Variants in GPN3 observed in about 807,000 individuals in gnomAD.
GPN3 encodes the protein GPN-loop GTPase 3.
A neutral mutation model predicts 38.7 loss-of-function variants in GPN3; 31 were observed. The ratio of observed to expected loss-of-function variants is 0.80; its 90% CI spans 0.60 to 1.08. GPN3 has a LOEUF of 1.08. Ranked by LOEUF, GPN3 falls within the 50% of genes least tolerant of loss-of-function variation. The probability of loss-of-function intolerance (pLI) is 0.00; values close to 1 mark genes in which losing one functional copy is unlikely to be tolerated. For synonymous variants in GPN3, 116 were observed against 120.2 expected (o/e 0.96, Z 0.23); for missense variants, 301 against 354.4 (o/e 0.85, Z 1.21).
In GPN3 at chr12:110,458,729, G is replaced by A. The variant is rs1165126996; in HGVS notation, c.325+966C>T. Among the ~76,000 whole-genome samples the A allele has an allele frequency of 5.3e-5, 8 of 151,424 alleles. No homozygotes were observed. Among genetic ancestry groups the A allele is most frequent in the Non-Finnish European group, 8.8e-5 (6 of 67,914 alleles). On this transcript the variant is annotated intron_variant, in intron 3 of 7. Coordinates refer to ENST00000228827, the MANE Select transcript of GPN3 (RefSeq NM_016301.4). The surrounding 1 kb of genome is among the most constrained non-coding windows in gnomAD (Gnocchi z 4.4). ...CAGGAAGTGGAGACTGGAGTGAGCC[G>A]AGATGGCGCCATCATACTCCAGCCT...
At chr12:110,456,460 T>C (rs2062550592) in intron 4 of GPN3, among the ~76,000 whole-genome samples, 1 of 151,962 alleles carries the variant, frequency 6.6e-6, no homozygotes, top group Admixed American at 6.6e-5. Flanking sequence ...ATCAAATGCT[T>C]GATTCTTGGT....
Position 110,466,638 on chromosome 12 carries a change from G to A in GPN3, c.49-1424C>T, listed in dbSNP as rs554718990. Reference sequence around the variant, plus strand: ...AGCCCCCCGAGTAGGTGGGACTATAGGCTCTCGCCACCATGCCCAGCTAAT... The same window carrying A: ...AGCCCCCCGAGTAGGTGGGACTATAAGCTCTCGCCACCATGCCCAGCTAAT... On this transcript the variant is annotated intron_variant, in intron 1 of 7. Coordinates refer to ENST00000228827, the MANE Select transcript of GPN3 (RefSeq NM_016301.4). Among the ~76,000 whole-genome samples, 16 of 152,110 alleles carry A rather than the reference G, an allele frequency of 1.1e-4. No homozygotes were observed. In the South Asian group the frequency reaches 3.3e-3, roughly 32 times the overall value.
Position 110,468,149 on chromosome 12 carries a change from T to A in GPN3, c.48+7A>T. ...ACTTTTCTCTCCTTGTCCCCGCAGA[T>A]CCTCACCTTCCCGCTGCCCGCGGGG... On this transcript the variant is annotated splice_region_variant and intron_variant, in intron 1 of 7. Transcript: ENST00000228827. 1 of 1,613,926 alleles carries A rather than the reference T, an allele frequency of 6.2e-7. No homozygotes were observed. The highest frequency in any genetic ancestry group is 8.5e-7 in the Non-Finnish European group (1 of 1,180,030).
chr12:110,457,456 A>T, intron 4 of GPN3, 54 bp downstream of exon 4: 1 of 1,304,402 alleles, frequency 7.7e-7, no homozygotes, highest in Non-Finnish European at 1.0e-6. Flanking sequence ...TGTCACACAC[A>T]CAAAAAAAAA....
intron 6 of GPN3, among the ~76,000 whole-genome samples, chr12:110,454,105 G>A (rs777130496): frequency 6.6e-6 from 1 of 152,112 alleles, no homozygotes; most frequent in East Asian, 1.9e-4. Context: ...ACTGTTTCAC[G>A]GCTATTTATC....
Position 110,462,483 on chromosome 12 carries a change from A to G in GPN3, c.158-2621T>C, listed in dbSNP as rs534901692. Reference sequence around the variant, plus strand: ...TCCCCCACAAAATGCTGTTAATTCAACTTGCAAAATATATTGAATCTGTCT... The same window carrying G: ...TCCCCCACAAAATGCTGTTAATTCAGCTTGCAAAATATATTGAATCTGTCT... On this transcript the variant is annotated intron_variant, in intron 2 of 7. Coordinates refer to ENST00000228827, the MANE Select transcript of GPN3 (RefSeq NM_016301.4). Among the ~76,000 whole-genome samples the G allele has an allele frequency of 3.5e-4, 53 of 152,322 alleles. No homozygotes were observed. In the Middle Eastern group the frequency reaches 0.017, roughly 49 times the overall value.
chr12:110,455,910 T>C lies in GPN3; in HGVS notation c.471A>G (p.Ala157=). 1.3e-6 allele frequency: 2 copies of C among 1,589,402 alleles called. No individual in the cohort carries two copies. The highest frequency in any genetic ancestry group is 8.6e-7 in the Non-Finnish European group (1 of 1,157,622). The change falls in exon 5 of 8, where the codon GCA becomes GCG. Residue 157 remains alanine (A), a synonymous_variant. Coordinates refer to ENST00000228827, the MANE Select transcript of GPN3 (RefSeq NM_016301.4). ...ESFKFISGIL[A]ALSAMISLEI... ...CTAGAGAGATCATGGCACTCAGGGC[T>C]GCCAAGATGCCAGAAATAAACTGAA...
intron 2 of GPN3, among the ~76,000 whole-genome samples, chr12:110,462,343 A>T (rs954343905): frequency 2.6e-5 from 4 of 152,104 alleles, no homozygotes; most frequent in African/African-American, 4.8e-5. Flanking sequence ...TGCAAAGAGA[A>T]CGTCCCCAAA....
upstream of GPN3, chr12:110,468,430 T>G (rs1242189858): frequency 3.3e-6 from 5 of 1,534,764 alleles, no homozygotes; most frequent in South Asian, 5.9e-5. Context: ...CAAAAGTAGT[T>G]GATGGAAATC....
chr12:110,465,575 G>C (rs6606686), intron 1 of GPN3, among the ~76,000 whole-genome samples: 101,593 of 151,998 alleles, frequency 0.67, 34,513 homozygotes, highest in East Asian at 0.99. Flanking sequence ...CTTGTACAGT[G>C]CAAACAAAGC....
At chr12:110,461,178 T>C in intron 2 of GPN3, 3 of 1,289,192 alleles carry the variant, frequency 2.3e-6, no homozygotes, top group Admixed American at 3.4e-5. Context: ...GATGTGCGCA[T>C]TGATACCAGG....
chr12:110,456,114 C>G lies in GPN3; in HGVS notation c.451-184G>C, dbSNP rs578069186. On this transcript the variant is annotated intron_variant, in intron 4 of 7. Coordinates refer to ENST00000228827, the MANE Select transcript of GPN3 (RefSeq NM_016301.4). ...GGAGGCTGAGGCGGGCAGATCACCTCAGGTCAGGAGTTCAAGACCAGCCTG... is the reference window on the plus strand; with the variant it reads ...GGAGGCTGAGGCGGGCAGATCACCTGAGGTCAGGAGTTCAAGACCAGCCTG... Among the ~76,000 whole-genome samples the G allele has an allele frequency of 4.6e-5, 7 of 152,152 alleles. No homozygotes were observed. The East Asian group carries it at 1.4e-3, about 29-fold the overall frequency.
At chr12:110,460,963 C>T in intron 2 of GPN3, 9 of 1,127,978 alleles carry the variant, frequency 8.0e-6, no homozygotes, top group South Asian at 1.2e-5. Context: ...GACTCCATCT[C>T]ACTTTCCAAC....
intron 2 of GPN3, among the ~76,000 whole-genome samples, chr12:110,462,583 T>C (rs907080579): frequency 1.3e-5 from 2 of 151,890 alleles, no homozygotes; most frequent in African/African-American, 4.8e-5. Context: ...GCAGTGCAGG[T>C]TGTACTTCTT....
rs2062543825 is a variant in GPN3, at chr12:110,455,582, T to C, written c.663+4A>G. On this transcript the variant is annotated splice_donor_region_variant and intron_variant, in intron 6 of 7. Coordinates refer to ENST00000228827, the MANE Select transcript of GPN3 (RefSeq NM_016301.4). ...GCCAAAAAATCCAAACTTTAAAAGC[T>C]TACCAGTCCACATATAGCTTTAGTC... 11 of 1,287,460 alleles carry C rather than the reference T, an allele frequency of 8.5e-6. No individual in the cohort carries two copies. The highest frequency in any genetic ancestry group is 2.9e-5 in the African/African-American group (2 of 67,914). 79.8% of individuals were successfully genotyped at this position (1,287,460 alleles called of 1,614,324 possible). A position where few individuals can be genotyped will look rare whatever the true frequency, so the allele number is the denominator to read the frequency against.
At chr12:110,455,734 GC>G in intron 5 of GPN3, 52 bp from the exon 6 acceptor site, 1 of 1,046,128 alleles carries the variant, frequency 9.6e-7, no homozygotes, top group Non-Finnish European at 1.5e-6. Context: ...TTATAAACCA[GC>G]CAAACTTCCC....
intron 7 of GPN3, 120 bp downstream of exon 7, chr12:110,453,623 T>C (rs2062529688): frequency 1.4e-6 from 1 of 712,646 alleles, no homozygotes; most frequent in Non-Finnish European, 2.4e-6. Flanking sequence ...AAAGCCCAGT[T>C]AACTGCCATC....
At chr12:110,467,530 TG>T (rs1309730773) in intron 1 of GPN3, among the ~76,000 whole-genome samples, 1 of 152,200 alleles carries the variant, frequency 6.6e-6, no homozygotes, top group Non-Finnish European at 1.5e-5. Context: ...AACTGCTCTC[TG>T]AAAAGACCTG....
At chr12:110,465,082 G>C (rs1592967895) in intron 2 of GPN3, 24 bp downstream of exon 2, 4 of 1,233,680 alleles carry the variant, frequency 3.2e-6, no homozygotes, top group Non-Finnish European at 4.8e-6. Flanking sequence ...CTGAAGGTGG[G>C]GGGAGCCTTT....
Sources: gnomAD v4.1 joint callset for allele counts (sites outside exome capture counted in the v4.1 genomes callset) on GRCh38, gnomAD v4.1.1 for gene constraint, Gnocchi (gnomAD v3.1) non-coding constraint, MANE v1.5 for transcripts, NCBI Gene and HGNC (gene_info 2026-07-23, HGNC 2026-07-21) for gene names.